GLIPR1L2: variants seen among roughly 807,000 people sequenced by gnomAD.
GLIPR1L2 encodes GLIPR1-like protein 2.
In GLIPR1L2, 21 loss-of-function variants were observed where a neutral mutation model predicts 28.4. That is an observed-to-expected ratio of 0.74 (90% CI 0.52 to 1.06). The LOEUF (loss-of-function observed/expected upper bound fraction) is 1.06, where lower values mean the gene tolerates loss of function less well. Ranked by LOEUF, GLIPR1L2 falls within the 50% of genes least tolerant of loss-of-function variation. The probability of loss-of-function intolerance (pLI) is 0.00; values close to 1 mark genes in which losing one functional copy is unlikely to be tolerated. For synonymous variants in GLIPR1L2, 145 were observed against 139.3 expected, an observed-to-expected ratio of 1.04 and a Z score of -0.29; for missense variants, 476 against 416.9, an observed-to-expected ratio of 1.14 and a Z score of -1.23.
intron 1 of GLIPR1L2, among the ~76,000 whole-genome samples, chr12:75,404,480 A>C (rs35986906): frequency 6.6e-6 from 1 of 151,950 alleles, no homozygotes; most frequent in Non-Finnish European, 1.5e-5. Context: ...TGTCTTCTGA[A>C]TTATCAGAAT....
intron 1 of GLIPR1L2, among the ~76,000 whole-genome samples, chr12:75,399,450 A>G (rs183892323): frequency 1.3e-3 from 193 of 152,292 alleles, no homozygotes; most frequent in African/African-American, 4.3e-3. Context: ...CAACAAAACT[A>G]TTGTTGAACT....
intron 3 of GLIPR1L2, among the ~76,000 whole-genome samples, chr12:75,417,448 A>C (rs989960270): frequency 4.6e-5 from 7 of 152,308 alleles, no homozygotes; most frequent in African/African-American, 1.7e-4. Context: ...ATGTTGTTTT[A>C]GCCACCGAAT....
rs372317276 is a variant in GLIPR1L2, at chr12:75,410,852, A to T, written c.480+173A>T. Among the ~76,000 whole-genome samples the T allele has an allele frequency of 2.2e-4, 33 of 151,958 alleles. No homozygotes were observed. In the East Asian group the frequency reaches 4.6e-3, roughly 21 times the overall value. ...CAAAATGTCTACCATCCCATCTTTT[A>T]TATGAACCATACAATTAAAACATTA... On this transcript the variant is annotated intron_variant, in intron 2 of 5. Coordinates refer to ENST00000550916, the MANE Select transcript of GLIPR1L2 (RefSeq NM_001270396.2).
intron 1 of GLIPR1L2, among the ~76,000 whole-genome samples, chr12:75,409,463 A>C (rs192144676): frequency 6.6e-6 from 1 of 151,424 alleles, no homozygotes; most frequent in East Asian, 1.9e-4. Flanking sequence ...ACAGCATCTT[A>C]TGCTATTTTC....
At position 75,391,157 on chromosome 12, in the gene GLIPR1L2, A is replaced by C. The variant is rs2045577946; in HGVS notation, c.41A>C (p.Gln14Pro). The part of the protein sequence containing the change: ...ARPFAREWRA[Q>P]SLPLAVGGVL... ...CCCTTCGCCCGGGAGTGGAGGGCCC[A>C]GTCCCTACCCCTGGCAGTAGGGGGC... Residue 14 changes from glutamine to proline, a missense_variant, in exon 1 of 6, where the codon CAG becomes CCG. Physicochemically the swap from Gln to Pro is moderately conservative, Grantham distance 76. Transcript: ENST00000550916. 4 of 1,613,978 alleles carry C rather than the reference A, an allele frequency of 2.5e-6. No individual in the cohort carries two copies. The highest frequency in any genetic ancestry group is 3.4e-6 in the Non-Finnish European group (4 of 1,179,994).
At chr12:75,411,748 T>C (rs1003661393) in intron 2 of GLIPR1L2, among the ~76,000 whole-genome samples, 29 of 152,014 alleles carry the variant, frequency 1.9e-4, no homozygotes, top group African/African-American at 7.0e-4. Context: ...ATCACCTTTT[T>C]AATGTGTCTC....
chr12:75,391,384 C>T (rs376835599), intron 1 of GLIPR1L2, 34 bp downstream of exon 1: 25 of 1,605,840 alleles, frequency 1.6e-5, no homozygotes, highest in Middle Eastern at 1.6e-4. Context: ...GACCCTTCCA[C>T]TACCGTTGCC....
chr12:75,395,063 C>A (rs993367908), intron 1 of GLIPR1L2, among the ~76,000 whole-genome samples: 5 of 151,880 alleles, frequency 3.3e-5, no homozygotes, highest in African/African-American at 1.2e-4. Flanking sequence ...TATTGAAAAG[C>A]AACTAATTTT....
chr12:75,413,748 C>A, intron 3 of GLIPR1L2, 47 bp downstream of exon 3: 1 of 930,068 alleles, frequency 1.1e-6, no homozygotes, highest in Non-Finnish European at 1.6e-6. Flanking sequence ...CAGAATATTT[C>A]AAGGTGAGTT....
Position 75,430,930 on chromosome 12 carries a change from C to T in GLIPR1L2, c.804C>T (p.Val268=), listed in dbSNP as rs765292544. The change falls in exon 6 of 6, where the codon GTC becomes GTT. Residue 268 remains valine (V), a synonymous_variant. Transcript: ENST00000550916. ...GAATATTATGTTTTATCCTGTGTGT[C>T]ATAACTGTTTTGATAGTACAGTCTC... ...LLRILCFILC[V]ITVLIVQSQF... The T allele has an allele frequency of 2.0e-6, 3 of 1,535,272 alleles. No homozygotes were observed. The South Asian group carries it at 3.6e-5, about 18-fold the overall frequency.
chr12:75,420,332 C>A (rs1006769825), intron 3 of GLIPR1L2, among the ~76,000 whole-genome samples: 1 of 152,188 alleles, frequency 6.6e-6, no homozygotes. Context: ...GTTTCTACAA[C>A]CACCAGAATT....
chr12:75,403,961 C>T (rs2045769816), intron 1 of GLIPR1L2, among the ~76,000 whole-genome samples: 2 of 152,148 alleles, frequency 1.3e-5, no homozygotes, highest in Non-Finnish European at 2.9e-5. Flanking sequence ...AGTCTTTCAC[C>T]TAAAAAGTAG....
rs1461997468 is a variant in GLIPR1L2, at chr12:75,401,519, C to A, written c.235-8915C>A. Among the ~76,000 whole-genome samples, 8 of 151,954 alleles carry A rather than the reference C, an allele frequency of 5.3e-5. No individual in the cohort carries two copies. In the East Asian group the frequency reaches 1.5e-3, roughly 29 times the overall value. On this transcript the variant is annotated intron_variant, in intron 1 of 5. Transcript: ENST00000550916. ...AGATAATTGTGGGATGTTTTCTATA[C>A]TTCTTTTAAAGTCTTATAAAATAGA...
intron 1 of GLIPR1L2, among the ~76,000 whole-genome samples, chr12:75,393,933 C>CT (rs1168481324): frequency 6.6e-6 from 1 of 151,838 alleles, no homozygotes; most frequent in South Asian, 2.1e-4. Flanking sequence ...CCTTATTCCT[C>CT]TTTTTTTCTT....
chr12:75,393,356 T>C (rs923806186), intron 1 of GLIPR1L2, among the ~76,000 whole-genome samples: 3 of 152,038 alleles, frequency 2.0e-5, no homozygotes, highest in African/African-American at 7.2e-5. Flanking sequence ...TTTTTCGTCT[T>C]CCTGAACTGA....
In GLIPR1L2 at chr12:75,431,880, A is replaced by G. The variant is rs1201590279; in HGVS notation, c.*719A>G. 3 of 152,076 alleles carry G rather than the reference A, an allele frequency of 2.0e-5. No individual in the cohort carries two copies. Among genetic ancestry groups the G allele is most frequent in the African/African-American group, 4.8e-5 (2 of 41,434 alleles). 9.4% of individuals were successfully genotyped at this position (152,076 alleles called of 1,614,324 possible). On this transcript the variant is annotated 3_prime_UTR_variant, in exon 6 of 6. Coordinates refer to ENST00000550916, the MANE Select transcript of GLIPR1L2 (RefSeq NM_001270396.2). ...GATAAAATAAATAAATTTTTTAAAA[A>G]CTATTAACTTGTTATTCAATAGGTA...
intron 4 of GLIPR1L2, among the ~76,000 whole-genome samples, chr12:75,428,505 T>C (rs1459818170): frequency 7.0e-6 from 1 of 142,870 alleles, no homozygotes; most frequent in African/African-American, 2.6e-5. Context: ...AACCTGACCA[T>C]GTGGTAGAAA....
chr12:75,393,432 T>A (rs1172053576), intron 1 of GLIPR1L2, among the ~76,000 whole-genome samples: 1 of 152,070 alleles, frequency 6.6e-6, no homozygotes, highest in Non-Finnish European at 1.5e-5. Context: ...TCTATCACCA[T>A]TCTACTTTCT....
In GLIPR1L2 at chr12:75,396,953, T is replaced by A. The variant is rs548680495; in HGVS notation, c.234+5603T>A. Among the ~76,000 whole-genome samples the A allele has an allele frequency of 5.3e-5, 8 of 152,334 alleles. No individual in the cohort carries two copies. The Middle Eastern group carries it at 0.014, about 259-fold the overall frequency. On this transcript the variant is annotated intron_variant, in intron 1 of 5. Transcript: ENST00000550916. ...ATGCATTTATTTTTATTTATTTTGT[T>A]CAGGACTTTTCTTTTTAATCTCTGT...
Sources: allele counts gnomAD v4.1 joint callset (sites outside exome capture counted in the v4.1 genomes callset), GRCh38; gene constraint gnomAD v4.1.1; transcripts MANE v1.5; gene names NCBI Gene and HGNC (gene_info 2026-07-23, HGNC 2026-07-21).